SLC24A2: variants seen among roughly 807,000 people sequenced by gnomAD.
SLC24A2 encodes the protein sodium/potassium/calcium exchanger 2.
SLC24A2 carries 36 observed loss-of-function variants against 62.0 expected under a neutral mutation model. The ratio of observed to expected loss-of-function variants is 0.58; its 90% CI spans 0.44 to 0.77. The LOEUF (loss-of-function observed/expected upper bound fraction) is 0.77. SLC24A2 is among the 30% of genes least tolerant of loss of function. The pLI, the probability that SLC24A2 is intolerant of heterozygous loss-of-function variation, is 0.00. For missense variants in SLC24A2, 846 were observed against 817.9 expected (o/e 1.03, Z -0.42); for synonymous variants, 358 against 294.0 (o/e 1.22, Z -2.23).
At chr9:19,677,913 A>AAC (rs960317437) in intron 2 of SLC24A2, among the ~76,000 whole-genome samples, 5 of 151,786 alleles carry the variant, frequency 3.3e-5, no homozygotes, top group South Asian at 2.1e-4. Context: ...ATAAAATATA[A>AAC]ACACACACAC....
the SLC24A2 span, among the ~76,000 whole-genome samples, chr9:19,828,962 A>G: frequency 1.3e-5 from 2 of 152,216 alleles, no homozygotes; most frequent in African/African-American, 4.8e-5. Context: ...TCCCTAATGG[A>G]CACCCTGCAG....
chr9:19,566,660 C>CAT (rs1306972509), intron 7 of SLC24A2, among the ~76,000 whole-genome samples: 2 of 152,252 alleles, frequency 1.3e-5, no homozygotes, highest in South Asian at 4.1e-4. Flanking sequence ...GGCACATGCA[C>CAT]GTATGTTTAT....
At chr9:19,791,475 G>A (rs1182460218), upstream of SLC24A2, among the ~76,000 whole-genome samples, 1 of 152,158 alleles carries the variant, frequency 6.6e-6, no homozygotes, top group Non-Finnish European at 1.5e-5. Context: ...TAAATGTTGT[G>A]GGAGTGACTA....
the SLC24A2 span, among the ~76,000 whole-genome samples, chr9:20,053,528 A>C: frequency 6.6e-6 from 1 of 152,076 alleles, no homozygotes; most frequent in Admixed American, 6.6e-5. Context: ...GTCCTCCCCC[A>C]ACCCTGAAAA....
chr9:19,572,254 C>T (rs1379042500), intron 7 of SLC24A2, among the ~76,000 whole-genome samples: 2 of 88,094 alleles, frequency 2.3e-5, no homozygotes, highest in African/African-American at 8.9e-5. Context: ...AGTGAGAGTC[C>T]GTCTCAAAAA....
In SLC24A2 at chr9:19,707,049, C is replaced by T. The variant is rs922012561; in HGVS notation, c.930+78888G>A. 1.6e-3 allele frequency among the ~76,000 whole-genome samples: 247 copies of T among 151,780 alleles called. 1 individual carries two copies. The highest frequency in any genetic ancestry group is 5.4e-3 in the African/African-American group (223 of 41,264). ...AGAAAAGAGAGAAGAATCAAATAGA[C>T]GCAATAAAAAATGACAAAGGGGATA... On this transcript the variant is annotated intron_variant, in intron 2 of 10. Coordinates refer to ENST00000341998, the MANE Select transcript of SLC24A2 (RefSeq NM_020344.4).
chr9:19,970,618 G>C, the SLC24A2 span, among the ~76,000 whole-genome samples: 3 of 152,074 alleles, frequency 2.0e-5, no homozygotes, highest in Non-Finnish European at 2.9e-5. Context: ...AAGTTCATTT[G>C]TTGAGAATAC....
the SLC24A2 span, among the ~76,000 whole-genome samples, chr9:19,932,374 G>A: frequency 3.9e-5 from 6 of 152,138 alleles, no homozygotes; most frequent in Admixed American, 6.5e-5. Context: ...CTTACGTGGA[G>A]CTTCTTCAAT....
intron 2 of SLC24A2, among the ~76,000 whole-genome samples, chr9:19,731,433 A>G (rs781439932): frequency 4.0e-4 from 61 of 152,170 alleles, no homozygotes; most frequent in Non-Finnish European, 3.4e-4. Flanking sequence ...AAATACAATC[A>G]TAAGGGTGGG....
chr9:19,516,771 A>C (rs113260561), intron 10 of SLC24A2, among the ~76,000 whole-genome samples: 4 of 152,190 alleles, frequency 2.6e-5, no homozygotes, highest in African/African-American at 9.6e-5. Flanking sequence ...GGATTTGCAC[A>C]GGGTGAAGGG....
the SLC24A2 span, among the ~76,000 whole-genome samples, chr9:19,816,231 C>G: frequency 6.6e-6 from 1 of 152,020 alleles, no homozygotes; most frequent in African/African-American, 2.4e-5. Context: ...TATTCAGGGA[C>G]TCAGGCTCTT....
upstream of SLC24A2, among the ~76,000 whole-genome samples, chr9:19,791,737 A>C (rs1365045293): frequency 6.6e-6 from 1 of 152,266 alleles, no homozygotes; most frequent in Non-Finnish European, 1.5e-5. Flanking sequence ...GGGTAGCTTC[A>C]GGAGAAAATT....
At chr9:20,092,931 T>C in the SLC24A2 span, among the ~76,000 whole-genome samples, 1 of 152,186 alleles carries the variant, frequency 6.6e-6, no homozygotes, top group East Asian at 1.9e-4. Flanking sequence ...TAAGGTGATA[T>C]ATGGCAAATA....
the SLC24A2 span, among the ~76,000 whole-genome samples, chr9:20,241,465 A>C: frequency 6.6e-6 from 1 of 152,188 alleles, no homozygotes; most frequent in East Asian, 1.9e-4. Flanking sequence ...AGGTGATTTT[A>C]ATCCCTCTAT....
At chr9:20,125,366 A>C in the SLC24A2 span, among the ~76,000 whole-genome samples, 1 of 152,224 alleles carries the variant, frequency 6.6e-6, no homozygotes, top group Non-Finnish European at 1.5e-5. Context: ...TTGCAAAACT[A>C]GAATTTGAAC....
At chr9:20,116,408 G>A in the SLC24A2 span, among the ~76,000 whole-genome samples, 1 of 152,134 alleles carries the variant, frequency 6.6e-6, no homozygotes, top group Non-Finnish European at 1.5e-5. Context: ...CATTCTGATA[G>A]AGGGTGCCCA....
chr9:20,230,492 G>T, the SLC24A2 span, among the ~76,000 whole-genome samples: 1 of 152,176 alleles, frequency 6.6e-6, no homozygotes, highest in African/African-American at 2.4e-5. Context: ...CAGTGATGAT[G>T]ACCATTTTTT....
At chr9:19,761,014 T>C (rs372853167) in intron 2 of SLC24A2, among the ~76,000 whole-genome samples, 1 of 152,150 alleles carries the variant, frequency 6.6e-6, no homozygotes, top group African/African-American at 2.4e-5. Context: ...TATACGTATG[T>C]AACAAATCTG....
the SLC24A2 span, among the ~76,000 whole-genome samples, chr9:19,866,625 CTTTTTTTTTTTTTTTT>C: frequency 2.9e-5 from 2 of 68,188 alleles, no homozygotes; most frequent in Non-Finnish European, 5.1e-5. Flanking sequence ...CACGTTTTCA[CTTTTTTTTTTTTTTTT>C]TTTTTTTTTT....
Sources: allele counts gnomAD v4.1 joint callset (sites outside exome capture counted in the v4.1 genomes callset), GRCh38; gene constraint gnomAD v4.1.1; transcripts MANE v1.5; gene names NCBI Gene and HGNC (gene_info 2026-07-23, HGNC 2026-07-21).